Variants in MGLL observed in about 807,000 individuals in gnomAD.
MGLL encodes the protein lysophospholipase homolog.
In MGLL, 7 loss-of-function variants were observed where a neutral mutation model predicts 29.1. That is an observed-to-expected ratio of 0.24 (90% CI 0.14 to 0.45). The LOEUF is 0.45. Ranked by LOEUF, MGLL falls within the 20% of genes least tolerant of loss-of-function variation. The pLI is 0.99. For missense variants in MGLL, 356 were observed against 413.6 expected (o/e 0.86, Z 1.21); for synonymous variants, 148 against 168.3 (o/e 0.88, Z 0.93).
intron 2 of MGLL, among the ~76,000 whole-genome samples, chr3:127,787,672 T>C (rs1330571685): frequency 6.6e-6 from 1 of 152,122 alleles, no homozygotes; most frequent in African/African-American, 2.4e-5. Context: ...CCCCTGAGGG[T>C]GTCCTCGCTG....
chr3:127,754,476 C>T (rs938610755), intron 3 of MGLL, among the ~76,000 whole-genome samples: 3 of 152,238 alleles, frequency 2.0e-5, no homozygotes, highest in African/African-American at 7.2e-5. Flanking sequence ...CAGGGCCTCA[C>T]CCCTCACCGG....
intron 2 of MGLL, among the ~76,000 whole-genome samples, chr3:127,820,283 C>T (rs949728846): frequency 6.6e-6 from 1 of 152,102 alleles, no homozygotes; most frequent in Non-Finnish European, 1.5e-5. Flanking sequence ...GAGAGGGCTC[C>T]CTGCAATGCA....
At chr3:127,706,084 C>A (rs1462186904) in intron 6 of MGLL, among the ~76,000 whole-genome samples, 3 of 152,202 alleles carry the variant, frequency 2.0e-5, no homozygotes, top group Non-Finnish European at 2.9e-5. Context: ...AATCCCACTT[C>A]TGGGTACATA....
chr3:127,734,322 A>C (rs1461669319), intron 3 of MGLL, among the ~76,000 whole-genome samples: 4 of 152,328 alleles, frequency 2.6e-5, no homozygotes, highest in Non-Finnish European at 4.4e-5. Context: ...GCCTAGAGTA[A>C]GGAGGCGTTG....
At chr3:127,795,708 GA>G (rs145491042) in intron 2 of MGLL, among the ~76,000 whole-genome samples, 42,612 of 152,016 alleles carry the variant, frequency 0.28, 6,395 homozygotes, top group Middle Eastern at 0.37. Context: ...TTTATAAAGT[GA>G]AAAAAGCATG....
chr3:127,752,502 C>A (rs73203065), intron 3 of MGLL, among the ~76,000 whole-genome samples: 2,261 of 152,212 alleles, frequency 0.015, 24 homozygotes, highest in Non-Finnish European at 0.023. Flanking sequence ...AATTATAGAC[C>A]TAACTCCTTC....
chr3:127,817,525 C>T (rs1457753720), intron 2 of MGLL, among the ~76,000 whole-genome samples: 1 of 152,162 alleles, frequency 6.6e-6, no homozygotes, highest in Non-Finnish European at 1.5e-5. Context: ...TACTCAGCAC[C>T]TCCTTCATGC....
chr3:127,698,695 T>C, intron 6 of MGLL, among the ~76,000 whole-genome samples: 1 of 152,136 alleles, frequency 6.6e-6, no homozygotes, highest in East Asian at 1.9e-4. Context: ...ATCCTGGTTG[T>C]GATATTGTCC....
chr3:127,789,968 TA>T (rs1238915145), intron 2 of MGLL, among the ~76,000 whole-genome samples: 1 of 152,226 alleles, frequency 6.6e-6, no homozygotes, highest in African/African-American at 2.4e-5. Flanking sequence ...ATTTTTTTAT[TA>T]TCATAAAACA....
chr3:127,710,649 A>G lies in MGLL; in HGVS notation c.527T>C (p.Val176Ala). The change falls in exon 6 of 8, where the codon GTG becomes GCG. Residue 176 changes from valine to alanine, a missense_variant. Physicochemically the swap from Val to Ala is moderately conservative, Grantham distance 64. Transcript: ENST00000265052. ...CAAGTTTGGCAGCACAAGGTTGAGC[A>G]CTTTCGCAGCAAGGACCTAGCCGGG... ...ATTFKVLAAK[V>A]LNLVLPNLSL... The G allele has an allele frequency of 6.4e-7, 1 of 1,571,662 alleles. No individual in the cohort carries two copies. The highest frequency in any genetic ancestry group is 8.6e-7 in the Non-Finnish European group (1 of 1,157,502).
In MGLL at chr3:127,796,451, A is replaced by T. The variant is rs79842406; in HGVS notation, c.156-14556T>A. 3.5e-3 allele frequency among the ~76,000 whole-genome samples: 533 copies of T among 152,358 alleles called. 3 individuals carry two copies. Among genetic ancestry groups the T allele is most frequent in the Non-Finnish European group, 5.5e-3 (376 of 68,032 alleles). On this transcript the variant is annotated intron_variant, in intron 2 of 7. Transcript: ENST00000265052. ...TTCATATTTAGCTTGGACTGTCATTAAAAAAGCACTGTGGAGCCAATGCAT... is the reference window on the plus strand; with the variant it reads ...TTCATATTTAGCTTGGACTGTCATTTAAAAAGCACTGTGGAGCCAATGCAT...
At chr3:127,699,303 G>A (rs997656399) in intron 6 of MGLL, among the ~76,000 whole-genome samples, 9 of 152,096 alleles carry the variant, frequency 5.9e-5, no homozygotes, top group Non-Finnish European at 1.0e-4. Flanking sequence ...TTACACTTAC[G>A]TTTGAGCAAA....
At chr3:127,748,596 GTACACAC>G (rs1239968610) in intron 3 of MGLL, among the ~76,000 whole-genome samples, 1 of 151,762 alleles carries the variant, frequency 6.6e-6, no homozygotes, top group Non-Finnish European at 1.5e-5. Flanking sequence ...TAACCCAAAT[GTACACAC>G]TAGATGGGGA....
chr3:127,760,243 G>A (rs1348698992), intron 3 of MGLL, among the ~76,000 whole-genome samples: 1 of 152,212 alleles, frequency 6.6e-6, no homozygotes, highest in Non-Finnish European at 1.5e-5. Context: ...GGAAATCTGA[G>A]GCTCAGAGAG....
At chr3:127,778,461 T>C (rs2077071652) in intron 3 of MGLL, among the ~76,000 whole-genome samples, 1 of 152,166 alleles carries the variant, frequency 6.6e-6, no homozygotes, top group South Asian at 2.1e-4. Flanking sequence ...AGACTGGGGA[T>C]AGTTAAACAA....
rs1433298380 is a variant in MGLL, at chr3:127,700,694, G to A, written c.601-5504C>T. Reference sequence around the variant, plus strand: ...ACTGAGAGGCCAGCACAGACCTCACGGCAGCTGGCAACCGCTGGCCACCTG... The same window carrying A: ...ACTGAGAGGCCAGCACAGACCTCACAGCAGCTGGCAACCGCTGGCCACCTG... On this transcript the variant is annotated intron_variant, in intron 6 of 7. Transcript: ENST00000265052. Among the ~76,000 whole-genome samples, 5 of 152,186 alleles carry A rather than the reference G, an allele frequency of 3.3e-5. No individual in the cohort carries two copies. The East Asian group carries it at 5.8e-4, about 18-fold the overall frequency.
intron 2 of MGLL, among the ~76,000 whole-genome samples, chr3:127,784,992 C>T (rs1576287760): frequency 6.6e-6 from 1 of 152,198 alleles, no homozygotes; most frequent in East Asian, 1.9e-4. Flanking sequence ...CTTTCTGGTG[C>T]CCAGATGTGC....
At chr3:127,808,164 A>G (rs1224023531) in intron 2 of MGLL, among the ~76,000 whole-genome samples, 1 of 152,150 alleles carries the variant, frequency 6.6e-6, no homozygotes, top group African/African-American at 2.4e-5. Flanking sequence ...TTCCAGATCT[A>G]TGATGATTCT....
rs919249782 is a variant in MGLL at position 127,721,508 on chromosome 3, T to C, written c.400-345A>G. On this transcript the variant is annotated intron_variant, in intron 4 of 7. Coordinates refer to ENST00000265052, the MANE Select transcript of MGLL (RefSeq NM_007283.7). Reference sequence around the variant, plus strand: ...CATCCCGACAGGCTTAATAGGAGGGTTTTTTTTTTTTTTTTTTTTTTTGGT... The same window carrying C: ...CATCCCGACAGGCTTAATAGGAGGGCTTTTTTTTTTTTTTTTTTTTTTGGT... Among the ~76,000 whole-genome samples, 6 of 19,934 alleles carry C rather than the reference T, an allele frequency of 3.0e-4. No homozygotes were observed. The East Asian group carries it at 6.4e-3, about 21-fold the overall frequency. The allele number at this position is 19,934 out of a possible 152,430, so 13.1% of individuals were successfully genotyped here. A position where few individuals can be genotyped will look rare whatever the true frequency, so the allele number is the denominator to read the frequency against.
Sources: allele counts gnomAD v4.1 joint callset (sites outside exome capture counted in the v4.1 genomes callset), GRCh38; gene constraint gnomAD v4.1.1; transcripts MANE v1.5; gene names NCBI Gene and HGNC (gene_info 2026-07-23, HGNC 2026-07-21).